TRAPPC9: variants seen among roughly 807,000 people sequenced by gnomAD.
TRAPPC9 encodes IKK2 binding protein.
Under a neutral mutation model 124.0 loss-of-function variants are expected in TRAPPC9, and 83 were observed. The ratio of observed to expected loss-of-function variants is 0.67; its 90% CI spans 0.56 to 0.80. The LOEUF is 0.80. Ranked by LOEUF, TRAPPC9 falls within the 30% of genes least tolerant of loss-of-function variation. The probability of loss-of-function intolerance (pLI) is 0.00; values close to 1 mark genes in which losing one functional copy is unlikely to be tolerated. For synonymous variants in TRAPPC9, 638 were observed against 617.5 expected, an observed-to-expected ratio of 1.03 and a Z score of -0.49; for missense variants, 1,302 against 1,508.3, an observed-to-expected ratio of 0.86 and a Z score of 2.27.
At chr8:140,457,923 AGGAGGAG>A (rs199928402), upstream of TRAPPC9, among the ~76,000 whole-genome samples, 864 of 124,576 alleles carry the variant, frequency 6.9e-3, 19 homozygotes, top group Non-Finnish European at 0.012. Flanking sequence ...GGGAGGGAGG[AGGAGGAG>A]GGAGGAGGGA....
intron 19 of TRAPPC9, among the ~76,000 whole-genome samples, chr8:139,979,706 G>A (rs942078762): frequency 5.3e-5 from 8 of 152,200 alleles, no homozygotes; most frequent in African/African-American, 1.7e-4. Context: ...GACCCACAGT[G>A]TCGAGGAGGA....
At chr8:139,862,076 C>G (rs189721803) in intron 21 of TRAPPC9, among the ~76,000 whole-genome samples, 36 of 152,374 alleles carry the variant, frequency 2.4e-4, no homozygotes, top group African/African-American at 7.7e-4. Flanking sequence ...CTGATTTCAT[C>G]TCTCTGAAGC....
chr8:140,430,134 G>A (rs1426005801), intron 4 of TRAPPC9, among the ~76,000 whole-genome samples: 1 of 148,874 alleles, frequency 6.7e-6, no homozygotes, highest in East Asian at 1.9e-4. Context: ...ATGACAGAGT[G>A]AGACTCCATC....
intron 19 of TRAPPC9, among the ~76,000 whole-genome samples, chr8:139,968,651 A>G (rs6997704): frequency 0.44 from 66,369 of 152,104 alleles, 14,726 homozygotes; most frequent in East Asian, 0.68. Context: ...CCTGCCACAG[A>G]AGAGTACTCA....
intron 21 of TRAPPC9, among the ~76,000 whole-genome samples, chr8:139,763,475 T>C (rs912381858): frequency 1.4e-5 from 2 of 140,644 alleles, no homozygotes; most frequent in African/African-American, 5.1e-5. Context: ...CCTTCACTCA[T>C]AGCAAATATT....
chr8:140,171,860 C>A (rs2061972257), intron 17 of TRAPPC9, among the ~76,000 whole-genome samples: 1 of 152,186 alleles, frequency 6.6e-6, no homozygotes, highest in Non-Finnish European at 1.5e-5. Context: ...CCAACCAAGG[C>A]ACTGTGCAGG....
At chr8:140,357,912 G>A (rs926198172) in intron 9 of TRAPPC9, among the ~76,000 whole-genome samples, 1 of 152,164 alleles carries the variant, frequency 6.6e-6, no homozygotes, top group African/African-American at 2.4e-5. Context: ...GGAGCTGCAC[G>A]GCTGTCGCAG....
intron 21 of TRAPPC9, among the ~76,000 whole-genome samples, chr8:139,862,639 T>C (rs376889204): frequency 7.2e-5 from 11 of 152,368 alleles, no homozygotes; most frequent in African/African-American, 2.6e-4. Flanking sequence ...CTACGTGTGC[T>C]ACCAGACCTC....
intron 21 of TRAPPC9, among the ~76,000 whole-genome samples, chr8:139,866,011 G>A (rs1200716203): frequency 7.4e-6 from 1 of 134,390 alleles, no homozygotes; most frequent in Non-Finnish European, 1.5e-5. Flanking sequence ...CCAAAGGGGT[G>A]GGGACATGGG....
At chr8:139,970,925 T>C (rs1353753060) in intron 19 of TRAPPC9, among the ~76,000 whole-genome samples, 2 of 151,676 alleles carry the variant, frequency 1.3e-5, no homozygotes, top group Non-Finnish European at 2.9e-5. Context: ...ACCCCAGCTG[T>C]GACTCCTGCC....
intron 19 of TRAPPC9, among the ~76,000 whole-genome samples, chr8:139,976,137 C>T (rs374618459): frequency 6.6e-6 from 1 of 151,764 alleles, no homozygotes; most frequent in Non-Finnish European, 1.5e-5. Flanking sequence ...GTGATCCGCT[C>T]GCCTCAGCCT....
At chr8:139,870,305 G>A (rs771848688) in intron 21 of TRAPPC9, among the ~76,000 whole-genome samples, 63 of 152,252 alleles carry the variant, frequency 4.1e-4, no homozygotes, top group African/African-American at 9.4e-4. Context: ...GACCATGAAC[G>A]TACCAGGAGA....
intron 15 of TRAPPC9, among the ~76,000 whole-genome samples, chr8:140,255,413 T>C (rs1317557708): frequency 6.6e-6 from 1 of 152,210 alleles, no homozygotes; most frequent in Non-Finnish European, 1.5e-5. Flanking sequence ...CATCACCCAG[T>C]CCACCACCTT....
At chr8:139,749,578 A>G (rs1252073262) in intron 21 of TRAPPC9, among the ~76,000 whole-genome samples, 1 of 152,138 alleles carries the variant, frequency 6.6e-6, no homozygotes, top group Non-Finnish European at 1.5e-5. Flanking sequence ...GTACCCCCAG[A>G]CTGTCCTCAC....
intron 19 of TRAPPC9, among the ~76,000 whole-genome samples, chr8:139,982,973 G>C (rs373412293): frequency 6.6e-6 from 1 of 152,116 alleles, no homozygotes; most frequent in South Asian, 2.1e-4. Flanking sequence ...TCGTCACGTC[G>C]TGCTGTAAAT....
At chr8:140,375,451 T>C (rs2068409614) in intron 7 of TRAPPC9, among the ~76,000 whole-genome samples, 2 of 152,178 alleles carry the variant, frequency 1.3e-5, no homozygotes, top group African/African-American at 4.8e-5. Context: ...CTTTATTCTG[T>C]TAATAAGAAA....
At chr8:139,796,473 T>G (rs1225519285) in intron 21 of TRAPPC9, among the ~76,000 whole-genome samples, 1 of 152,160 alleles carries the variant, frequency 6.6e-6, no homozygotes, top group Non-Finnish European at 1.5e-5. Flanking sequence ...ATTTGTCAAT[T>G]CTGGACATTT....
At chr8:139,971,710 CAT>C (rs1554598148) in intron 19 of TRAPPC9, among the ~76,000 whole-genome samples, 3 of 146,034 alleles carry the variant, frequency 2.1e-5, no homozygotes, top group Admixed American at 7.0e-5. Flanking sequence ...TGCTAAAGTT[CAT>C]ATATATATAT....
intron 18 of TRAPPC9, among the ~76,000 whole-genome samples, chr8:140,018,166 C>A (rs926351964): frequency 2.6e-5 from 4 of 151,820 alleles, no homozygotes; most frequent in African/African-American, 9.7e-5. Context: ...TTTAAGTCAT[C>A]TTTCATTTCT....
Sources: gnomAD v4.1 joint callset for allele counts (sites outside exome capture counted in the v4.1 genomes callset) on GRCh38, gnomAD v4.1.1 for gene constraint, MANE v1.5 for transcripts, NCBI Gene and HGNC (gene_info 2026-07-23, HGNC 2026-07-21) for gene names.